The following NRCAM variants were observed in gnomAD, a reference collection of about 807,000 sequenced individuals.
The protein encoded by NRCAM is NgCAM-related cell adhesion molecule.
A neutral mutation model predicts 156.5 loss-of-function variants in NRCAM; 83 were observed. The observed-to-expected ratio is 0.53, with a 90% CI of 0.44 to 0.64. The LOEUF (loss-of-function observed/expected upper bound fraction) is 0.64, where lower values mean the gene tolerates loss of function less well. Ranked by LOEUF, NRCAM falls within the 30% of genes least tolerant of loss-of-function variation. NRCAM has a pLI of 0.00. For synonymous variants in NRCAM, 538 were observed against 563.9 expected (o/e 0.95, Z 0.65); for missense variants, 1,417 against 1,597.3 (o/e 0.89, Z 1.92).
At chr7:108,187,891 C>T (rs937861305) in intron 20 of NRCAM, among the ~76,000 whole-genome samples, 23 of 151,844 alleles carry the variant, frequency 1.5e-4, no homozygotes, top group African/African-American at 5.6e-4. Flanking sequence ...GGAGGCAGAG[C>T]TTGCAGTGAG....
At chr7:108,360,330 GATTA>G (rs2099540896) in intron 2 of NRCAM, among the ~76,000 whole-genome samples, 1 of 152,162 alleles carries the variant, frequency 6.6e-6, no homozygotes, top group Non-Finnish European at 1.5e-5. Flanking sequence ...CTTTCAGCAA[GATTA>G]ATTAACTGCT....
intron 2 of NRCAM, among the ~76,000 whole-genome samples, chr7:108,360,002 T>C (rs2099538055): frequency 6.6e-6 from 1 of 152,180 alleles, no homozygotes; most frequent in African/African-American, 2.4e-5. Flanking sequence ...CTCAACATGG[T>C]TTTTAGATTC....
chr7:108,361,211 A>G (rs13221333), intron 2 of NRCAM, among the ~76,000 whole-genome samples: 30,079 of 152,204 alleles, frequency 0.2, 3,558 homozygotes, highest in East Asian at 0.45. Context: ...TAGAATGGCT[A>G]AAATTCAAAA....
At chr7:108,410,616 C>T (rs1021415166) in intron 1 of NRCAM, among the ~76,000 whole-genome samples, 2 of 152,136 alleles carry the variant, frequency 1.3e-5, no homozygotes, top group African/African-American at 4.8e-5. Flanking sequence ...GGTAAACCTT[C>T]CCTGAAGGTA....
intron 3 of NRCAM, among the ~76,000 whole-genome samples, chr7:108,242,104 T>C (rs2095568271): frequency 6.6e-6 from 1 of 151,554 alleles, no homozygotes; most frequent in Non-Finnish European, 1.5e-5. Flanking sequence ...TGAAATCCCG[T>C]CCCTACTAAA....
chr7:108,436,242 T>C (rs1832069905), intron 1 of NRCAM, among the ~76,000 whole-genome samples: 1 of 152,202 alleles, frequency 6.6e-6, no homozygotes, highest in African/African-American at 2.4e-5. Context: ...ATTAAAAGAT[T>C]CTTCAGAAGC....
intron 3 of NRCAM, among the ~76,000 whole-genome samples, chr7:108,252,113 G>C (rs1332657153): frequency 6.6e-6 from 1 of 152,162 alleles, no homozygotes; most frequent in Non-Finnish European, 1.5e-5. Flanking sequence ...GTGGGAGATG[G>C]AATCTACAGA....
At chr7:108,165,513 T>C (rs1257903987) in intron 30 of NRCAM, among the ~76,000 whole-genome samples, 1 of 152,216 alleles carries the variant, frequency 6.6e-6, no homozygotes, top group Non-Finnish European at 1.5e-5. Context: ...TTTTAGTATT[T>C]TGAAAATAAA....
intron 5 of NRCAM, among the ~76,000 whole-genome samples, chr7:108,237,539 A>G (rs1209687097): frequency 6.6e-6 from 1 of 152,222 alleles, no homozygotes; most frequent in Non-Finnish European, 1.5e-5. Context: ...TAAAAGAAAG[A>G]GTAATAGCCA....
chr7:108,419,789 T>C (rs1806749820), intron 1 of NRCAM, among the ~76,000 whole-genome samples: 1 of 152,188 alleles, frequency 6.6e-6, no homozygotes, highest in Non-Finnish European at 1.5e-5. Flanking sequence ...AAATTTTCAC[T>C]AGTGGATGAA....
At position 108,231,095 on chromosome 7, in the gene NRCAM, AGACT is replaced by A; in HGVS notation, c.482_485del (p.Gln161LeufsTer2). On this transcript the variant is annotated frameshift_variant, in exon 8 of 33. Coordinates refer to ENST00000379028, the MANE Select transcript of NRCAM (RefSeq NM_001037132.4). LOFTEE classifies it high-confidence loss of function. ...TTGGGGGTCTGCAGGGAAGTACTAA[AGACT>A]GACCACTTTGAAGTGTGATTGGTTC... The A allele has an allele frequency of 6.2e-7, 1 of 1,609,746 alleles. No individual in the cohort carries two copies. The highest frequency in any genetic ancestry group is 8.5e-7 in the Non-Finnish European group (1 of 1,177,276).
chr7:108,289,932 G>A (rs1179387815), intron 3 of NRCAM, among the ~76,000 whole-genome samples: 2 of 152,034 alleles, frequency 1.3e-5, no homozygotes, highest in African/African-American at 4.8e-5. Flanking sequence ...GAGAACAACT[G>A]TAATATAATA....
chr7:108,370,103 T>C (rs930338382), intron 2 of NRCAM, among the ~76,000 whole-genome samples: 3 of 152,182 alleles, frequency 2.0e-5, no homozygotes, highest in African/African-American at 7.2e-5. Context: ...AATTTAACTG[T>C]AGTTCTCTAT....
Position 108,352,795 on chromosome 7 carries a change from C to T in NRCAM, c.-173-40064G>A, listed in dbSNP as rs960838032. On this transcript the variant is annotated intron_variant, in intron 2 of 32. Coordinates refer to ENST00000379028, the MANE Select transcript of NRCAM (RefSeq NM_001037132.4). ...TGACCCAGTTGTTTGAACCATAAAG[C>T]TAAGAGTCCTGAATTGTTCTCTTTT... Among the ~76,000 whole-genome samples, 3 of 152,196 alleles carry T rather than the reference C, an allele frequency of 2.0e-5. No individual in the cohort carries two copies. In the East Asian group the frequency reaches 5.8e-4, roughly 29 times the overall value.
At chr7:108,379,651 G>T (rs1380317362) in intron 2 of NRCAM, among the ~76,000 whole-genome samples, 1 of 151,542 alleles carries the variant, frequency 6.6e-6, no homozygotes, top group Non-Finnish European at 1.5e-5. Context: ...TAATCACAAA[G>T]GATAAGATGT....
intron 3 of NRCAM, among the ~76,000 whole-genome samples, chr7:108,286,029 CT>C (rs1451388255): frequency 6.6e-6 from 1 of 152,136 alleles, no homozygotes; most frequent in Non-Finnish European, 1.5e-5. Context: ...CTTTGTAAGC[CT>C]TATAGTTTCT....
At chr7:108,205,264 A>G (rs1274825804) in intron 13 of NRCAM, among the ~76,000 whole-genome samples, 2 of 152,216 alleles carry the variant, frequency 1.3e-5, no homozygotes, top group Non-Finnish European at 2.9e-5. Flanking sequence ...ATCACCAGAC[A>G]TGAAATCTGC....
chr7:108,218,857 A>G lies in NRCAM; in HGVS notation c.890+4868T>C, dbSNP rs2090929857. Among the ~76,000 whole-genome samples the G allele has an allele frequency of 2.6e-5, 4 of 152,202 alleles. No homozygotes were observed. In the South Asian group the frequency reaches 8.3e-4, roughly 32 times the overall value. On this transcript the variant is annotated intron_variant, in intron 11 of 32. Transcript: ENST00000379028. ...CCAGCAGAAGAAAGGAGATAAGATC[A>G]CAGCAGAACTAAATGAAATTGAAAC...
chr7:108,303,683 A>G (rs1303994789), intron 3 of NRCAM, among the ~76,000 whole-genome samples: 1 of 147,756 alleles, frequency 6.8e-6, no homozygotes, highest in Non-Finnish European at 1.5e-5. Context: ...GAGTGTATCT[A>G]CTACATGGCT....
Sources: gnomAD v4.1 joint callset for allele counts (sites outside exome capture counted in the v4.1 genomes callset) on GRCh38, gnomAD v4.1.1 for gene constraint, MANE v1.5 for transcripts, NCBI Gene and HGNC (gene_info 2026-07-23, HGNC 2026-07-21) for gene names.